The following LRTM1 variants were observed in gnomAD, a reference collection of about 807,000 sequenced individuals.
The protein encoded by LRTM1 is leucine rich repeat transmembrane protein 1.
Under a neutral mutation model 32.4 loss-of-function variants are expected in LRTM1, and 38 were observed. The ratio of observed to expected loss-of-function variants is 1.17; its 90% confidence interval spans 0.91 to 1.54. The LOEUF is 1.54. Ranked by LOEUF, LRTM1 falls within the 40% of genes most tolerant of loss-of-function variation. LRTM1 has a pLI of 0.00. For synonymous variants in LRTM1, 186 were observed against 169.9 expected, an observed-to-expected ratio of 1.09 and a Z score of -0.74; for missense variants, 466 against 415.4, an observed-to-expected ratio of 1.12 and a Z score of -1.06.
At chr3:54,947,432 A>G (rs775934724) in intron 1 of LRTM1, among the ~76,000 whole-genome samples, 3 of 152,192 alleles carry the variant, frequency 2.0e-5, no homozygotes, top group Non-Finnish European at 4.4e-5. Context: ...ATTCCAGGTG[A>G]TCTCAGCTGG....
chr3:54,924,974 G>T lies in LRTM1; in HGVS notation c.249C>A (p.Asn83Lys), dbSNP rs763248040. 4 of 1,611,606 alleles carry T rather than the reference G, an allele frequency of 2.5e-6. No homozygotes were observed. In the East Asian group the frequency reaches 6.7e-5, roughly 27 times the overall value. Reference protein sequence around the residue: ...VPWLMTLNLSNNSLSNLAPGA... With the variant: ...VPWLMTLNLSKNSLSNLAPGA... The stretch of plus-strand genomic sequence containing the variant: ...CAGGGGCCAGATTTGAAAGGGAATT[G>T]TTGGACAAGTTTAAGGTCATGAGCC... The change falls in exon 2 of 3, where the codon AAC (asparagine) becomes AAA (lysine). Residue 83 changes from asparagine to lysine, a missense_variant. Physicochemically the swap from Asn to Lys is moderately conservative, Grantham distance 94. Transcript: ENST00000273286.
chr3:54,947,380 G>C (rs922866591), intron 1 of LRTM1, among the ~76,000 whole-genome samples: 1 of 152,140 alleles, frequency 6.6e-6, no homozygotes, highest in African/African-American at 2.4e-5. Flanking sequence ...ACAGGCTCTG[G>C]TTAGGACTTG....
chr3:54,934,894 G>A (rs933532827), intron 1 of LRTM1, among the ~76,000 whole-genome samples: 12 of 152,120 alleles, frequency 7.9e-5, no homozygotes, highest in Middle Eastern at 3.4e-3. Context: ...ACCACACCCC[G>A]CTAATTTCTG....
intron 2 of LRTM1, among the ~76,000 whole-genome samples, chr3:54,923,767 G>A (rs964314778): frequency 1.3e-5 from 2 of 152,162 alleles, no homozygotes; most frequent in African/African-American, 4.8e-5. Context: ...TCTCACCTGG[G>A]CTTCTGCTCT....
intron 1 of LRTM1, among the ~76,000 whole-genome samples, chr3:54,938,302 G>A (rs910691050): frequency 6.6e-6 from 1 of 152,230 alleles, no homozygotes; most frequent in African/African-American, 2.4e-5. Context: ...CAGACCAGAA[G>A]TGGCAAATGA....
In LRTM1 at chr3:54,924,801, A is replaced by G; in HGVS notation, c.422T>C (p.Leu141Ser). 1 of 1,613,988 alleles carries G rather than the reference A, an allele frequency of 6.2e-7. No individual in the cohort carries two copies. Among genetic ancestry groups the G allele is most frequent in the African/African-American group, 1.3e-5 (1 of 74,988 alleles). Residue 141 changes from leucine to serine, a missense_variant, in exon 2 of 3, where the codon TTG becomes TCG. Transcript: ENST00000273286. ...SNNISHLPTS[L>S]GETWENLTIL... ...AGTTAGGTTCTCCCAAGTCTCTCCC[A>G]AGGATGTGGGAAGGTGGCTTATGTT...
In LRTM1 at chr3:54,946,298, T is replaced by C. The variant is rs574766212; in HGVS notation, c.-222+20630A>G. On this transcript the variant is annotated intron_variant, in intron 1 of 2. Transcript: ENST00000493075. ...GGTTGAGTGCCCCCTCTTATACTCC[T>C]GTACCCATCCTGTACATGTCTTCAG... 1.1e-4 allele frequency among the ~76,000 whole-genome samples: 16 copies of C among 152,328 alleles called. No individual in the cohort carries two copies. The South Asian group carries it at 3.3e-3, about 32-fold the overall frequency.
rs770845008 is a variant in LRTM1 at position 54,918,442 on chromosome 3, A to C, written c.*17T>G. 10 of 1,602,422 alleles carry C rather than the reference A, an allele frequency of 6.2e-6. No individual in the cohort carries two copies. The Admixed American group carries it at 1.5e-4, about 25-fold the overall frequency. Reference sequence around the variant, plus strand: ...CTTCTGGCCTGCAATGACCAATCCTATTTGAGACAAAAGCTCTCAGGCTGG... The same window carrying C: ...CTTCTGGCCTGCAATGACCAATCCTCTTTGAGACAAAAGCTCTCAGGCTGG... On this transcript the variant is annotated 3_prime_UTR_variant, in exon 3 of 3. Coordinates refer to ENST00000273286, the MANE Select transcript of LRTM1 (RefSeq NM_020678.4).
chr3:54,961,431 A>T (rs1702027465), intron 1 of LRTM1, among the ~76,000 whole-genome samples: 1 of 152,228 alleles, frequency 6.6e-6, no homozygotes, highest in Non-Finnish European at 1.5e-5. Flanking sequence ...TTTATTATTA[A>T]CTTATTGTAG....
Position 54,925,222 on chromosome 3 carries a change from C to T in LRTM1, c.8-7G>A, listed in dbSNP as rs1231506987. On this transcript the variant is annotated splice_polypyrimidine_tract_variant and splice_region_variant and intron_variant, in intron 1 of 2. Coordinates refer to ENST00000273286, the MANE Select transcript of LRTM1 (RefSeq NM_020678.4). ...GAAAACAGGAGCAGTTCACCTACAA[C>T]AAACAGAAAGAAATTGGGATAGGAA... The T allele has an allele frequency of 1.2e-6, 2 of 1,603,062 alleles. No individual in the cohort carries two copies. Among genetic ancestry groups the T allele is most frequent in the East Asian group, 2.2e-5 (1 of 44,608 alleles).
At position 54,924,536 on chromosome 3, in the gene LRTM1, A is replaced by G. The variant is rs982446625; in HGVS notation, c.604+83T>C. ...ATCCACCCCTTACACACTCCTCCAC[A>G]TTCTTTCTAATGCAGAGAACAGATG... On this transcript the variant is annotated intron_variant, in intron 2 of 2. Transcript: ENST00000273286. 6 of 1,180,520 alleles carry G rather than the reference A, an allele frequency of 5.1e-6. No individual in the cohort carries two copies. The African/African-American group carries it at 6.1e-5, about 12-fold the overall frequency. 73.1% of individuals were successfully genotyped at this position (1,180,520 alleles called of 1,614,324 possible). A position where few individuals can be genotyped will look rare whatever the true frequency, so the allele number is the denominator to read the frequency against.
chr3:54,935,474 G>A (rs941994210), intron 1 of LRTM1, among the ~76,000 whole-genome samples: 7 of 152,276 alleles, frequency 4.6e-5, no homozygotes, highest in South Asian at 4.1e-4. Flanking sequence ...AGAAACAAAC[G>A]GATCAAGAAA....
chr3:54,965,256 C>T (rs994612886), intron 1 of LRTM1, among the ~76,000 whole-genome samples: 2 of 152,046 alleles, frequency 1.3e-5, no homozygotes, highest in Admixed American at 6.6e-5. Flanking sequence ...ACTCTTGAAG[C>T]TTTGGCCTGA....
chr3:54,927,877 T>C, intron 1 of LRTM1, 28 bp downstream of exon 1: 1 of 1,613,498 alleles, frequency 6.2e-7, no homozygotes, highest in South Asian at 1.1e-5. Flanking sequence ...GACAAGAACT[T>C]TTCCAACGGG....
At chr3:54,967,051 A>G (rs1462207867) in exon 1 of LRTM1, 1 of 152,218 alleles carries the variant, frequency 6.6e-6, no homozygotes, top group East Asian at 1.9e-4. Context: ...GCAGAGCAGA[A>G]TGAGCCTGGG....
chr3:54,935,413 C>A (rs192844636), intron 1 of LRTM1, among the ~76,000 whole-genome samples: 1 of 152,132 alleles, frequency 6.6e-6, no homozygotes, highest in African/African-American at 2.4e-5. Flanking sequence ...TGAGCTCATG[C>A]GGCTGGTGGA....
intron 1 of LRTM1, among the ~76,000 whole-genome samples, chr3:54,958,435 C>G (rs978645074): frequency 6.6e-5 from 10 of 152,172 alleles, no homozygotes; most frequent in African/African-American, 2.4e-4. Flanking sequence ...CAGTTTATTC[C>G]CTACAGCAGT....
In LRTM1 at chr3:54,927,960, A is replaced by G; in HGVS notation, c.-49T>C. 2 of 1,594,232 alleles carry G rather than the reference A, an allele frequency of 1.3e-6. No homozygotes were observed. The highest frequency in any genetic ancestry group is 3.3e-5 in the Admixed American group (2 of 59,964). On this transcript the variant is annotated 5_prime_UTR_variant, in exon 1 of 3. The change abolishes the stop of an existing upstream ORF in the 5' untranslated region. Coordinates refer to ENST00000273286, the MANE Select transcript of LRTM1 (RefSeq NM_020678.4). ...TGCTGACCTCGTAGACCCTTTAATT[A>G]ATGTGCAGAGCAACACACGAAGGGC...
intron 1 of LRTM1, among the ~76,000 whole-genome samples, chr3:54,953,477 C>G (rs1488312278): frequency 1.3e-5 from 2 of 152,174 alleles, no homozygotes; most frequent in Non-Finnish European, 2.9e-5. Context: ...TGGGACGCAG[C>G]TGAAGCCTTC....
Sources: gnomAD v4.1 joint callset for allele counts (sites outside exome capture counted in the v4.1 genomes callset) on GRCh38, gnomAD v4.1.1 for gene constraint, MANE v1.5 for transcripts, NCBI Gene and HGNC (gene_info 2026-07-23, HGNC 2026-07-21) for gene names.